DSCAM: variants seen among roughly 807,000 people sequenced by gnomAD.
The protein encoded by DSCAM is cell adhesion molecule DSCAM.
Under a neutral mutation model 217.7 loss-of-function variants are expected in DSCAM, and 47 were observed. That is an observed-to-expected ratio of 0.22 (90% CI 0.17 to 0.28). The LOEUF (loss-of-function observed/expected upper bound fraction) is 0.28. Among genes scored for constraint, DSCAM ranks in the 10% least tolerant of loss-of-function variants. The probability of loss-of-function intolerance (pLI) is 1.00; values close to 1 mark genes in which losing one functional copy is unlikely to be tolerated. For missense variants in DSCAM, 2,080 were observed against 2,618.3 expected (o/e 0.79, Z 4.49); for synonymous variants, 1,056 against 1,015.3 (o/e 1.04, Z -0.76).
chr21:40,318,634 C>T (rs963370557), intron 8 of DSCAM, among the ~76,000 whole-genome samples: 11 of 152,164 alleles, frequency 7.2e-5, no homozygotes, highest in Non-Finnish European at 1.3e-4. Flanking sequence ...CAGAGATGCA[C>T]CTAGCTTACC....
intron 3 of DSCAM, among the ~76,000 whole-genome samples, chr21:40,603,081 G>GT (rs1427317196): frequency 6.6e-6 from 1 of 151,994 alleles, no homozygotes; most frequent in Non-Finnish European, 1.5e-5. Context: ...TTTGACTTAT[G>GT]TGTTATTTGG....
At chr21:40,588,643 T>A (rs926891850) in intron 3 of DSCAM, among the ~76,000 whole-genome samples, 1 of 152,198 alleles carries the variant, frequency 6.6e-6, no homozygotes, top group Non-Finnish European at 1.5e-5. Flanking sequence ...ATAATGATAA[T>A]CTAATACAAA....
At chr21:40,698,226 T>C (rs1323828053) in intron 2 of DSCAM, among the ~76,000 whole-genome samples, 1 of 152,200 alleles carries the variant, frequency 6.6e-6, no homozygotes, top group Non-Finnish European at 1.5e-5. Context: ...AAATGGTCCA[T>C]TTTCAAGGCA....
At position 40,486,541 on chromosome 21, in the gene DSCAM, G is replaced by A. The variant is rs187272154; in HGVS notation, c.509-117296C>T. Among the ~76,000 whole-genome samples the A allele has an allele frequency of 4.3e-4, 65 of 152,060 alleles. 2 individuals are homozygous for A. In the East Asian group the frequency reaches 0.012, roughly 28 times the overall value. On this transcript the variant is annotated intron_variant, in intron 3 of 32. Coordinates refer to ENST00000400454, the MANE Select transcript of DSCAM (RefSeq NM_001389.5). ...GAGGGGATGGCAGGGGAGGGAGGGG[G>A]AAGGAGAAGGAAGGAATGAGAAGGC... is the stretch of plus-strand genomic sequence containing the variant.
intron 2 of DSCAM, among the ~76,000 whole-genome samples, chr21:40,704,743 T>C (rs1264775619): frequency 2.6e-5 from 4 of 152,156 alleles, no homozygotes; most frequent in African/African-American, 9.7e-5. Context: ...GAAAAAAATG[T>C]TCTAACACTT....
rs1354621531 is a variant in DSCAM, at chr21:40,685,374, C to T, written c.508+7436G>A. Among the ~76,000 whole-genome samples, 6 of 152,268 alleles carry T rather than the reference C, an allele frequency of 3.9e-5. No homozygotes were observed. The East Asian group carries it at 9.7e-4, about 25-fold the overall frequency. ...TGGCTCACTGCCTGAACTGCATAAG[C>T]AATACAGTTCATGATGAGCACCTGC... On this transcript the variant is annotated intron_variant, in intron 3 of 32. Transcript: ENST00000400454.
intron 1 of DSCAM, among the ~76,000 whole-genome samples, chr21:40,753,551 T>A (rs2091248526): frequency 6.6e-6 from 1 of 152,178 alleles, no homozygotes; most frequent in African/African-American, 2.4e-5. Context: ...CACACATTGG[T>A]AACAAATAGA....
intron 3 of DSCAM, among the ~76,000 whole-genome samples, chr21:40,621,887 A>AAG (rs1243651200): frequency 8.0e-6 from 1 of 124,942 alleles, no homozygotes; most frequent in African/African-American, 3.0e-5. Context: ...GAAAGAAAGA[A>AAG]AGAGAGAGAG....
At chr21:40,093,935 C>G (rs866898699) in intron 20 of DSCAM, 61 bp from the exon 21 acceptor site, 1 of 1,558,002 alleles carries the variant, frequency 6.4e-7, no homozygotes, top group Non-Finnish European at 8.8e-7. Flanking sequence ...AATGGATTTC[C>G]CGAAGGAATG....
chr21:40,681,504 T>A (rs1601845128), intron 3 of DSCAM, among the ~76,000 whole-genome samples: 2 of 145,648 alleles, frequency 1.4e-5, no homozygotes, highest in East Asian at 4.1e-4. Flanking sequence ...TTTTTTTTTT[T>A]AAGAATCTCA....
intron 11 of DSCAM, among the ~76,000 whole-genome samples, chr21:40,255,613 AG>A (rs2073359953): frequency 6.6e-6 from 1 of 152,254 alleles, no homozygotes; most frequent in South Asian, 2.1e-4. Context: ...ATGCAGAATA[AG>A]AAAGCAGAGG....
chr21:40,338,839 AAGG>A (rs545994288), intron 7 of DSCAM, among the ~76,000 whole-genome samples: 67 of 152,330 alleles, frequency 4.4e-4, no homozygotes, highest in Middle Eastern at 3.4e-3. Context: ...AACCGAAGAG[AAGG>A]AGAAGGGAAA....
chr21:40,263,919 A>G (rs1255383491), intron 11 of DSCAM, among the ~76,000 whole-genome samples: 4 of 152,168 alleles, frequency 2.6e-5, no homozygotes. Context: ...GACTACTATG[A>G]ACACCACTCT....
chr21:40,369,058 A>C, intron 4 of DSCAM, 41 bp downstream of exon 4: 1 of 1,553,636 alleles, frequency 6.4e-7, no homozygotes, highest in Non-Finnish European at 8.7e-7. Flanking sequence ...ACTAACAAAG[A>C]AATAGCAGAC....
chr21:40,036,084 C>T (rs575290972), intron 32 of DSCAM, among the ~76,000 whole-genome samples: 3,278 of 124,362 alleles, frequency 0.026, 437 homozygotes, highest in African/African-American at 0.1. Context: ...AAATTGACAC[C>T]CTAACATCAC....
At chr21:40,536,813 G>C (rs549302781) in intron 3 of DSCAM, among the ~76,000 whole-genome samples, 1 of 152,168 alleles carries the variant, frequency 6.6e-6, no homozygotes, top group African/African-American at 2.4e-5. Context: ...GCGTAAAGAG[G>C]ACACAGAAAA....
chr21:40,478,879 A>T (rs1398393952), intron 3 of DSCAM, among the ~76,000 whole-genome samples: 2 of 152,224 alleles, frequency 1.3e-5, no homozygotes, highest in Non-Finnish European at 2.9e-5. Flanking sequence ...ATAGTAAGAT[A>T]TTAACAACAA....
At chr21:40,196,109 T>C (rs912410144) in intron 11 of DSCAM, among the ~76,000 whole-genome samples, 10 of 152,232 alleles carry the variant, frequency 6.6e-5, no homozygotes, top group African/African-American at 2.4e-4. Context: ...GCAGACCCAC[T>C]GGCCTCCTGG....
intron 14 of DSCAM, 102 bp downstream of exon 14, chr21:40,187,029 T>C (rs1024752123): frequency 4.8e-6 from 7 of 1,447,530 alleles, no homozygotes; most frequent in Non-Finnish European, 6.5e-6. Flanking sequence ...TCTGAGCTCC[T>C]GTGAGCTGAG....
Sources: allele counts gnomAD v4.1 joint callset (sites outside exome capture counted in the v4.1 genomes callset), GRCh38; gene constraint gnomAD v4.1.1; transcripts MANE v1.5; gene names NCBI Gene and HGNC (gene_info 2026-07-23, HGNC 2026-07-21).